Variants in PLCB1 observed in about 807,000 individuals in gnomAD.
PLCB1 encodes the protein phospholipase C beta 1.
A neutral mutation model predicts 161.8 loss-of-function variants in PLCB1; 46 were observed. The ratio of observed to expected loss-of-function variants is 0.28; its 90% confidence interval spans 0.22 to 0.36. The LOEUF (loss-of-function observed/expected upper bound fraction) is 0.36, where lower values mean the gene tolerates loss of function less well. Among genes scored for constraint, PLCB1 ranks in the 10% least tolerant of loss-of-function variants. The probability of loss-of-function intolerance (pLI) is 1.00; values close to 1 mark genes in which losing one functional copy is unlikely to be tolerated. For missense variants in PLCB1, 1,016 were observed against 1,472.5 expected, an observed-to-expected ratio of 0.69 and a Z score of 5.07; for synonymous variants, 517 against 503.7, an observed-to-expected ratio of 1.03 and a Z score of -0.35.
intron 3 of PLCB1, among the ~76,000 whole-genome samples, chr20:8,538,903 C>T (rs548090842): frequency 1.1e-3 from 163 of 151,456 alleles, no homozygotes; most frequent in African/African-American, 3.7e-3. Flanking sequence ...AAGTGGTTCT[C>T]CTGCCTCAGC....
chr20:8,656,222 A>G (rs1989453748), intron 7 of PLCB1, among the ~76,000 whole-genome samples: 1 of 152,012 alleles, frequency 6.6e-6, no homozygotes, highest in Non-Finnish European at 1.5e-5. Flanking sequence ...TAGCAAAGGA[A>G]ATATTACTTC....
chr20:8,343,002 G>C (rs145298989), intron 2 of PLCB1, among the ~76,000 whole-genome samples: 1 of 152,186 alleles, frequency 6.6e-6, no homozygotes, highest in South Asian at 2.1e-4. Flanking sequence ...TATAAGTCAA[G>C]TATTTGAGGG....
At chr20:8,355,966 AT>A (rs1252979920) in intron 2 of PLCB1, among the ~76,000 whole-genome samples, 1 of 152,096 alleles carries the variant, frequency 6.6e-6, no homozygotes, top group African/African-American at 2.4e-5. Flanking sequence ...ATCATACTGT[AT>A]TTTTTCTTCT....
chr20:8,789,939 A>G (rs1983672003), intron 30 of PLCB1, among the ~76,000 whole-genome samples: 1 of 152,170 alleles, frequency 6.6e-6, no homozygotes, highest in South Asian at 2.1e-4. Context: ...AAATGTTTAC[A>G]TATTTATAAA....
intron 9 of PLCB1, among the ~76,000 whole-genome samples, chr20:8,671,483 A>G (rs1473457969): frequency 6.6e-6 from 1 of 152,216 alleles, no homozygotes; most frequent in Non-Finnish European, 1.5e-5. Context: ...ATTAGAATGT[A>G]AATTAAGTCG....
At chr20:8,799,108 A>G (rs904669839) in intron 31 of PLCB1, among the ~76,000 whole-genome samples, 8 of 152,172 alleles carry the variant, frequency 5.3e-5, no homozygotes, top group Admixed American at 2.6e-4. Context: ...GATGCCGTTG[A>G]TTCCTCCCCC....
intron 2 of PLCB1, among the ~76,000 whole-genome samples, chr20:8,345,070 A>G (rs1985953234): frequency 6.6e-6 from 1 of 152,192 alleles, no homozygotes. Context: ...CTCGCTCTCC[A>G]TATTTTCAGA....
In PLCB1 at chr20:8,441,684, G is replaced by C. The variant is rs1383890872; in HGVS notation, c.246+70234G>C. 2.6e-5 allele frequency among the ~76,000 whole-genome samples: 4 copies of C among 152,180 alleles called. No individual in the cohort carries two copies. The Middle Eastern group carries it at 0.01, about 388-fold the overall frequency. On this transcript the variant is annotated intron_variant, in intron 3 of 31. Transcript: ENST00000338037. ...TAAGCAGTGACCGACCATAACAGAC[G>C]ATCTCTCAGATATTGATCACTCTTT...
At chr20:8,632,037 T>TTTTTTTTTTG (rs1988609446) in intron 4 of PLCB1, among the ~76,000 whole-genome samples, 1 of 25,678 alleles carries the variant, frequency 3.9e-5, no homozygotes, top group Non-Finnish European at 8.6e-5. Context: ...TTTTTTTGCT[T>TTTTTTTTTTG]TTTTTTTTTT....
chr20:8,872,858 C>T lies in PLCB1; in HGVS notation c.3424-8764C>T, dbSNP rs114066718. Among the ~76,000 whole-genome samples the T allele has an allele frequency of 3.5e-3, 537 of 152,280 alleles. 2 individuals are homozygous for T. Among genetic ancestry groups the T allele is most frequent in the African/African-American group, 0.012 (508 of 41,568 alleles). On this transcript the variant is annotated intron_variant, in intron 31 of 31. Transcript: ENST00000338037. ...TCAGGTTCAGCACTCCAACACCCGG[C>T]ATCCTGAGGCCTCCTCTTCCAATCT...
intron 2 of PLCB1, among the ~76,000 whole-genome samples, chr20:8,228,015 G>A (rs922170198): frequency 1.3e-5 from 2 of 151,820 alleles, no homozygotes; most frequent in Non-Finnish European, 2.9e-5. Context: ...GACAAACTTC[G>A]GAGACTTAAA....
In PLCB1 at chr20:8,764,794, T is replaced by C. The variant is rs530827529; in HGVS notation, c.2711-345T>C. Among the ~76,000 whole-genome samples the C allele has an allele frequency of 3.9e-5, 6 of 152,258 alleles. No homozygotes were observed. The East Asian group carries it at 1.2e-3, about 29-fold the overall frequency. ...TTCTGAGACCACACCCTTGCTCAGC[T>C]CCTTCCCCAGCCCCGTCTGCTTTCC... On this transcript the variant is annotated intron_variant, in intron 25 of 31. Transcript: ENST00000338037.
intron 31 of PLCB1, among the ~76,000 whole-genome samples, chr20:8,874,326 A>G (rs1600108235): frequency 1.3e-5 from 2 of 152,022 alleles, no homozygotes; most frequent in Middle Eastern, 6.8e-3. Context: ...AACAAACTGA[A>G]ACAAGTGATC....
At chr20:8,863,019 T>A (rs1302561553) in intron 31 of PLCB1, among the ~76,000 whole-genome samples, 1 of 152,188 alleles carries the variant, frequency 6.6e-6, no homozygotes, top group Non-Finnish European at 1.5e-5. Context: ...CCATGTAGAC[T>A]ATGCACCTTA....
intron 3 of PLCB1, among the ~76,000 whole-genome samples, chr20:8,607,802 G>A (rs1357857405): frequency 6.6e-6 from 1 of 152,196 alleles, no homozygotes; most frequent in African/African-American, 2.4e-5. Flanking sequence ...TTGCATGAAT[G>A]AGTGAGTGAA....
chr20:8,774,623 A>T lies in PLCB1; in HGVS notation c.3015A>T (p.Leu1005Phe). 1.9e-6 allele frequency: 3 copies of T among 1,614,044 alleles called. No individual in the cohort carries two copies. The highest frequency in any genetic ancestry group is 1.7e-5 in the Admixed American group (1 of 60,026). ...TGGATGCTGAAATGACCCAAAAGTT[A>T]ATAGACTTGAAGGACAAACAACAGC... is the stretch of plus-strand genomic sequence containing the variant. Reference protein sequence around the residue: ...AALDAEMTQKLIDLKDKQQQQ... With the variant: ...AALDAEMTQKFIDLKDKQQQQ... Residue 1005 changes from leucine to phenylalanine, a missense_variant, in exon 27 of 32, where the codon TTA (leucine) becomes TTT (phenylalanine). By Grantham distance (22) the Leu-to-Phe change is conservative (BLOSUM62 0). Coordinates refer to ENST00000338037, the MANE Select transcript of PLCB1 (RefSeq NM_015192.4).
intron 3 of PLCB1, among the ~76,000 whole-genome samples, chr20:8,479,099 A>T (rs908268635): frequency 6.6e-6 from 1 of 152,158 alleles, no homozygotes; most frequent in Non-Finnish European, 1.5e-5. Context: ...AAAATAATGT[A>T]GAATTATATG....
At chr20:8,851,377 G>A (rs953125884) in intron 31 of PLCB1, among the ~76,000 whole-genome samples, 3 of 152,178 alleles carry the variant, frequency 2.0e-5, no homozygotes, top group African/African-American at 7.2e-5. Context: ...TGATATATGT[G>A]TTTGCTTATA....
chr20:8,662,066 A>ATATAATTATATATAATATACAAT (rs1989657240), intron 9 of PLCB1, among the ~76,000 whole-genome samples: 1 of 1,390 alleles, frequency 7.2e-4, no homozygotes, highest in South Asian at 0.013. Flanking sequence ...TATATTTATT[A>ATATAATTATATATAATATACAAT]TATTTATTAT....
Sources: gnomAD v4.1 joint callset for allele counts (sites outside exome capture counted in the v4.1 genomes callset) on GRCh38, gnomAD v4.1.1 for gene constraint, MANE v1.5 for transcripts, NCBI Gene and HGNC (gene_info 2026-07-23, HGNC 2026-07-21) for gene names.